MAP4: variants seen among roughly 807,000 people sequenced by gnomAD.
MAP4 encodes microtubule associated protein 4.
Under a neutral mutation model 170.2 loss-of-function variants are expected in MAP4, and 76 were observed. The ratio of observed to expected loss-of-function variants is 0.45; its 90% CI spans 0.37 to 0.54. MAP4 has a LOEUF of 0.54. Among genes scored for constraint, MAP4 ranks in the 20% least tolerant of loss-of-function variants. The pLI is 0.00. For missense variants in MAP4, 2,506 were observed against 2,748.0 expected, an observed-to-expected ratio of 0.91 and a Z score of 1.97; for synonymous variants, 909 against 994.5, an observed-to-expected ratio of 0.91 and a Z score of 1.62.
chr3:47,930,217 G>C (rs1452734854), intron 3 of MAP4, among the ~76,000 whole-genome samples: 1 of 150,790 alleles, frequency 6.6e-6, no homozygotes, highest in Non-Finnish European at 1.5e-5. Context: ...AGGCCGAGGC[G>C]GGTGGATCAT....
chr3:48,066,595 G>A lies in MAP4; in HGVS notation c.-20+22178C>T, dbSNP rs144860128. Among the ~76,000 whole-genome samples, 648 of 152,072 alleles carry A rather than the reference G, an allele frequency of 4.3e-3. 5 individuals carry two copies. Among genetic ancestry groups the A allele is most frequent in the African/African-American group, 0.014 (591 of 41,478 alleles). On this transcript the variant is annotated intron_variant, in intron 1 of 18. Coordinates refer to the MAP4 transcript ENST00000360240. ...TGCAACCTCTGCTACCCGGGTTCAA[G>A]TGATTCTCGTGCCTGAACCTCCTAA...
chr3:47,864,377 C>T (rs1253343958), intron 17 of MAP4, among the ~76,000 whole-genome samples: 1 of 152,074 alleles, frequency 6.6e-6, no homozygotes, highest in African/African-American at 2.4e-5. Flanking sequence ...CCCGTCTCTA[C>T]TAAAAGTACA....
rs762700404 is a variant in MAP4 at position 48,059,514 on chromosome 3, CAAAAAAAAAA to C, written c.-20+29249_-20+29258del. ...TGGGCAACAGAGCAAGACTCCATCT[CAAAAAAAAAA>C]AAAAAAAAAAAAAAAAGACCTACTC... On this transcript the variant is annotated intron_variant, in intron 1 of 18. Transcript: ENST00000360240. Among the ~76,000 whole-genome samples, 41 of 18,002 alleles carry C rather than the reference CAAAAAAAAAA, an allele frequency of 2.3e-3. 2 individuals are homozygous for C. The highest frequency in any genetic ancestry group is 6.8e-3 in the Admixed American group (12 of 1,754). 11.8% of individuals were successfully genotyped at this position (18,002 alleles called of 152,430 possible).
intron 1 of MAP4, among the ~76,000 whole-genome samples, chr3:48,030,999 T>A (rs1001202539): frequency 2.6e-5 from 4 of 152,062 alleles, no homozygotes; most frequent in African/African-American, 9.7e-5. Context: ...CCTTCATCCT[T>A]TACATGTGCA....
chr3:47,912,402 A>G lies in MAP4; in HGVS notation c.2019T>C (p.Gly673=). 6.7e-7 allele frequency: 1 copy of G among 1,486,552 alleles called. No individual in the cohort carries two copies. The highest frequency in any genetic ancestry group is 8.9e-7 in the Non-Finnish European group (1 of 1,120,604). The allele number at this position is 1,486,552 out of a possible 1,614,324, so 92.1% of individuals were successfully genotyped here. A position where few individuals can be genotyped will look rare whatever the true frequency, so the allele number is the denominator to read the frequency against. The change falls in exon 9 of 21, where the codon GGT becomes GGC. Residue 673 remains glycine, a synonymous_variant. Coordinates refer to ENST00000683076, the MANE Select transcript of MAP4 (RefSeq NM_001385682.1). ...CTTGTTTGGCTTGTGTGGGAGGGGT[A>G]CCGCAATACATGAAGTTGGCTAAAA... is the stretch of plus-strand genomic sequence containing the variant. ...SETSANFMYC[G]TPPTQAKQVC... is the part of the protein sequence containing the mutation.
chr3:48,054,554 C>T (rs1047196536), intron 1 of MAP4, among the ~76,000 whole-genome samples: 3 of 140,694 alleles, frequency 2.1e-5, no homozygotes, highest in African/African-American at 8.0e-5. Context: ...CACTTGAACT[C>T]GAGAGGCAGA....
At chr3:47,969,814 C>T (rs1005828188) in intron 3 of MAP4, among the ~76,000 whole-genome samples, 3 of 151,450 alleles carry the variant, frequency 2.0e-5, no homozygotes, top group Admixed American at 1.3e-4. Context: ...GGGCCGAGAT[C>T]GCACCACTGC....
intron 10 of MAP4, among the ~76,000 whole-genome samples, chr3:47,887,213 C>T (rs1188155079): frequency 6.6e-6 from 1 of 152,198 alleles, no homozygotes; most frequent in Non-Finnish European, 1.5e-5. Flanking sequence ...GAAGGAGAGG[C>T]GCGAGCAGGA....
At chr3:47,889,890 GTGTTTTTTATCTCCATAAAAAACAAAAAA>G (rs1171177582) in intron 10 of MAP4, among the ~76,000 whole-genome samples, 15 of 149,616 alleles carry the variant, frequency 1.0e-4, no homozygotes, top group East Asian at 2.0e-4. Context: ...ATAAAAAAAC[GTGTTTTTTATCTCCATAAAAAACAAAAAA>G]TGTTTTTTAT....
intron 17 of MAP4, 147 bp from the exon 18 acceptor site, chr3:47,857,659 C>T (rs1208869878): frequency 1.6e-6 from 1 of 637,980 alleles, no homozygotes; most frequent in Admixed American, 2.5e-5. Flanking sequence ...ACAAGGTCAT[C>T]TCCCTAAGTA....
At chr3:47,972,975 T>C in intron 3 of MAP4, 1 of 962,338 alleles carries the variant, frequency 1.0e-6, no homozygotes, top group Non-Finnish European at 1.2e-6. Flanking sequence ...CGGGTGGGAT[T>C]AGAAGCTATA....
chr3:47,926,518 CCTAT>C (rs952585320), intron 4 of MAP4, among the ~76,000 whole-genome samples: 7 of 151,966 alleles, frequency 4.6e-5, no homozygotes, highest in African/African-American at 1.4e-4. Context: ...ATCTACTCTA[CCTAT>C]CTGTCTGTCT....
chr3:47,965,020 C>T (rs575325636), intron 3 of MAP4, among the ~76,000 whole-genome samples: 8 of 152,276 alleles, frequency 5.3e-5, no homozygotes, highest in African/African-American at 1.9e-4. Context: ...CCATTCCCCG[C>T]CTCTCCCAGC....
Position 48,051,083 on chromosome 3 carries a change from A to G in MAP4, c.-20+37690T>C, listed in dbSNP as rs2100127546. The stretch of plus-strand genomic sequence containing the variant: ...GCTAATCAAATCACCTTTGAAAACC[A>G]TTCAATTTCCACACACACACACACA... On this transcript the variant is annotated intron_variant, in intron 1 of 18. Coordinates refer to the MAP4 transcript ENST00000360240. Among the ~76,000 whole-genome samples the G allele has an allele frequency of 2.7e-5, 4 of 149,704 alleles. No individual in the cohort carries two copies. In the South Asian group the frequency reaches 8.4e-4, roughly 31 times the overall value.
intron 2 of MAP4, among the ~76,000 whole-genome samples, chr3:47,981,472 T>C (rs1221023313): frequency 2.6e-5 from 4 of 151,616 alleles, no homozygotes; most frequent in African/African-American, 9.7e-5. Context: ...AAAATAATAA[T>C]AATAAAAAAG....
intron 3 of MAP4, chr3:47,975,425 G>A (rs1433218195): frequency 1.9e-6 from 3 of 1,565,404 alleles, no homozygotes; most frequent in Non-Finnish European, 2.6e-6. Flanking sequence ...TCACTGGTCT[G>A]GTGTTGCAGC....
At chr3:47,983,798 C>T (rs1055558485) in intron 2 of MAP4, among the ~76,000 whole-genome samples, 1 of 152,106 alleles carries the variant, frequency 6.6e-6, no homozygotes, top group Non-Finnish European at 1.5e-5. Flanking sequence ...GGACTACAGG[C>T]GTGAGCCACC....
At chr3:47,875,545 A>G (rs887423356) in intron 12 of MAP4, 140 bp downstream of exon 12, 5 of 817,084 alleles carry the variant, frequency 6.1e-6, no homozygotes, top group Admixed American at 2.7e-5. Flanking sequence ...CCAATTTTCA[A>G]ATCACCCTCT....
intron 1 of MAP4, among the ~76,000 whole-genome samples, chr3:48,024,051 C>T (rs527669996): frequency 5.9e-5 from 9 of 152,334 alleles, no homozygotes; most frequent in African/African-American, 2.2e-4. Context: ...GTGGCTCACG[C>T]CAGTAATCCC....
Sources: allele counts gnomAD v4.1 joint callset (sites outside exome capture counted in the v4.1 genomes callset), GRCh38; gene constraint gnomAD v4.1.1; transcripts MANE v1.5; gene names NCBI Gene and HGNC (gene_info 2026-07-23, HGNC 2026-07-21).